Variants in AGK observed in about 807,000 individuals in gnomAD.
The protein encoded by AGK is acylglycerol kinase, mitochondrial.
A neutral mutation model predicts 66.4 loss-of-function variants in AGK; 52 were observed. The observed-to-expected ratio is 0.78, with a 90% CI of 0.63 to 0.99. The LOEUF (loss-of-function observed/expected upper bound fraction) is 0.99, where lower values mean the gene tolerates loss of function less well. Among genes scored for constraint, AGK ranks in the 50% least tolerant of loss-of-function variants. AGK has a pLI of 0.00. For missense variants in AGK, 451 were observed against 506.6 expected (o/e 0.89, Z 1.05); for synonymous variants, 182 against 181.1 (o/e 1.00, Z -0.04).
At chr7:141,642,854 G>A (rs535075144) in intron 13 of AGK, among the ~76,000 whole-genome samples, 2 of 152,258 alleles carry the variant, frequency 1.3e-5, no homozygotes, top group South Asian at 4.1e-4. Context: ...GTGACAGATT[G>A]TATGGCCCAA....
intron 2 of AGK, among the ~76,000 whole-genome samples, chr7:141,572,950 G>A (rs138974461): frequency 8.3e-4 from 126 of 152,272 alleles, no homozygotes; most frequent in African/African-American, 2.9e-3. Context: ...TGACAAAGCA[G>A]ATGTCTTACC....
intron 9 of AGK, among the ~76,000 whole-genome samples, chr7:141,632,282 C>T (rs893211455): frequency 1.3e-5 from 2 of 151,886 alleles, no homozygotes; most frequent in African/African-American, 4.8e-5. Flanking sequence ...CCTCCTTACC[C>T]TCAATGTCTT....
intron 8 of AGK, among the ~76,000 whole-genome samples, chr7:141,618,819 C>T (rs1442559947): frequency 1.3e-5 from 2 of 152,054 alleles, no homozygotes; most frequent in Non-Finnish European, 2.9e-5. Context: ...AAAGTACTTT[C>T]TAAATGACTT....
At chr7:141,587,505 G>T (rs1215780304) in intron 2 of AGK, among the ~76,000 whole-genome samples, 1 of 152,164 alleles carries the variant, frequency 6.6e-6, no homozygotes, top group Non-Finnish European at 1.5e-5. Flanking sequence ...GCCTTTACTG[G>T]CTCCTCCCAC....
chr7:141,570,318 C>T (rs868121755), intron 2 of AGK, among the ~76,000 whole-genome samples: 1 of 151,850 alleles, frequency 6.6e-6, no homozygotes, highest in African/African-American at 2.4e-5. Context: ...ACCCGGGAGG[C>T]GGAGGTTGCA....
chr7:141,603,756 T>A (rs548778028), intron 5 of AGK, among the ~76,000 whole-genome samples: 1 of 152,288 alleles, frequency 6.6e-6, no homozygotes, highest in African/African-American at 2.4e-5. Context: ...TACTCACGTC[T>A]CCAAGTTGAT....
At chr7:141,591,887 C>T (rs1241330186) in intron 2 of AGK, among the ~76,000 whole-genome samples, 1 of 152,090 alleles carries the variant, frequency 6.6e-6, no homozygotes, top group African/African-American at 2.4e-5. Flanking sequence ...ATGGTAGAAA[C>T]CTATTTTAGA....
intron 10 of AGK, among the ~76,000 whole-genome samples, chr7:141,636,541 A>G (rs988155137): frequency 4.6e-5 from 7 of 152,222 alleles, no homozygotes; most frequent in African/African-American, 1.7e-4. Context: ...GAGATGATTT[A>G]AAATATACAA....
At chr7:141,558,578 A>C in intron 2 of AGK, among the ~76,000 whole-genome samples, 1 of 152,308 alleles carries the variant, frequency 6.6e-6, no homozygotes, top group Non-Finnish European at 1.5e-5. Flanking sequence ...GAAACATGCT[A>C]TAATTAACTT....
chr7:141,569,427 A>G (rs1197690153), intron 2 of AGK, among the ~76,000 whole-genome samples: 1 of 152,066 alleles, frequency 6.6e-6, no homozygotes, highest in Non-Finnish European at 1.5e-5. Flanking sequence ...CCAGCTACTC[A>G]GGAGGTTGAG....
At chr7:141,604,814 C>T (rs1206739918) in intron 5 of AGK, among the ~76,000 whole-genome samples, 2 of 151,942 alleles carry the variant, frequency 1.3e-5, no homozygotes, top group Non-Finnish European at 2.9e-5. Flanking sequence ...GATCTCTTGA[C>T]CTCGTGATCT....
chr7:141,602,227 G>A (rs1796364702), intron 5 of AGK, among the ~76,000 whole-genome samples: 1 of 148,372 alleles, frequency 6.7e-6, no homozygotes, highest in Non-Finnish European at 1.5e-5. Context: ...AGAGACAGGA[G>A]CTCACTATGT....
intron 5 of AGK, among the ~76,000 whole-genome samples, chr7:141,606,180 A>G (rs1047881064): frequency 1.3e-5 from 2 of 152,210 alleles, no homozygotes; most frequent in Non-Finnish European, 2.9e-5. Flanking sequence ...GCTTGGTTCT[A>G]TCCCATGGGT....
intron 15 of AGK, among the ~76,000 whole-genome samples, chr7:141,651,921 T>A (rs186775184): frequency 1.6e-4 from 24 of 152,228 alleles, no homozygotes; most frequent in Admixed American, 1.4e-3. Flanking sequence ...GGTTACTACA[T>A]TAAGACACAT....
rs574444775 is a variant in AGK at position 141,615,463 on chromosome 7, C to G, written c.424-8C>G. ...ACAATAAAACTTTCCTCTTCTTTCC[C>G]CCCCCAGGCTACCTTCAGTAAGATT... On this transcript the variant is annotated splice_polypyrimidine_tract_variant and splice_region_variant and intron_variant, in intron 7 of 15. Transcript: ENST00000649286. 8.1e-6 allele frequency: 13 copies of G among 1,611,500 alleles called. No individual in the cohort carries two copies. The South Asian group carries it at 1.1e-4, about 14-fold the overall frequency.
Position 141,641,410 on chromosome 7 carries a change from G to A in AGK, c.877+12G>A. 3 of 1,605,152 alleles carry A rather than the reference G, an allele frequency of 1.9e-6. No homozygotes were observed. The highest frequency in any genetic ancestry group is 2.5e-6 in the Non-Finnish European group (3 of 1,177,174). On this transcript the variant is annotated intron_variant, in intron 12 of 15. Transcript: ENST00000649286. ...ACAACCACAGGATGGTGAGCAATGT[G>A]GCGACTAAAGATTGGAGGGCCCTGG...
At chr7:141,585,128 C>T (rs920848084) in intron 2 of AGK, among the ~76,000 whole-genome samples, 2 of 152,282 alleles carry the variant, frequency 1.3e-5, no homozygotes, top group East Asian at 3.9e-4. Flanking sequence ...GGCTTTCTGA[C>T]CTGTTACACT....
At chr7:141,608,896 G>A (rs1796518076) in intron 5 of AGK, among the ~76,000 whole-genome samples, 2 of 152,182 alleles carry the variant, frequency 1.3e-5, no homozygotes, top group African/African-American at 4.8e-5. Context: ...AGGACAGTAT[G>A]AAATCACTTG....
intron 8 of AGK, among the ~76,000 whole-genome samples, chr7:141,619,601 T>G (rs1019142042): frequency 6.6e-6 from 1 of 151,912 alleles, no homozygotes; most frequent in African/African-American, 2.4e-5. Flanking sequence ...AGAAAATCTT[T>G]AGTCATTAGA....
Sources: gnomAD v4.1 joint callset for allele counts (sites outside exome capture counted in the v4.1 genomes callset) on GRCh38, gnomAD v4.1.1 for gene constraint, MANE v1.5 for transcripts, NCBI Gene and HGNC (gene_info 2026-07-23, HGNC 2026-07-21) for gene names.